Variants in ZNF469 observed in about 807,000 individuals in gnomAD.
The protein encoded by ZNF469 is zinc finger protein 469.
In ZNF469, 1 loss-of-function variant was observed where a neutral mutation model predicts 1.0. That is an observed-to-expected ratio of 1.00 (90% CI 0.35 to 4.73). The LOEUF (loss-of-function observed/expected upper bound fraction) is 4.73, where lower values mean the gene tolerates loss of function less well. Ranked by LOEUF, ZNF469 falls within the 30% of genes most tolerant of loss-of-function variation. The pLI is 0.16. For synonymous variants in ZNF469, 2,703 were observed against 2,363.4 expected (o/e 1.14, Z -4.17); for missense variants, 6,100 against 5,356.3 (o/e 1.14, Z -4.33).
At chr16:88,387,631 G>A (rs932766591) in intron 1 of ZNF469, among the ~76,000 whole-genome samples, 11 of 152,170 alleles carry the variant, frequency 7.2e-5, no homozygotes, top group African/African-American at 2.7e-4. Context: ...TCACACTGTT[G>A]CTGAAAGGGA....
chr16:88,158,765 A>T, the ZNF469 span, among the ~76,000 whole-genome samples: 3 of 152,304 alleles, frequency 2.0e-5, no homozygotes, highest in African/African-American at 7.2e-5. Context: ...CCTGGCGGGA[A>T]GCCAGGCCGA....
rs1181644535 is a variant in ZNF469, at chr16:88,435,400, C to T, written c.7930C>T (p.Arg2644Trp). Residue 2644 changes from arginine to tryptophan, a missense_variant, in exon 3 of 3, where the codon CGG becomes TGG. By Grantham distance (101) the Arg-to-Trp change is moderately radical. Coordinates refer to ENST00000565624, the MANE Select transcript of ZNF469 (RefSeq NM_001367624.2). ...GGGAAAGCTGAGAGGGAGAAGGCTC[C>T]GGGAGGAGAGCATTCTTCCAGTCTC... Reference protein sequence around the residue: ...KRGKLRGRRLREESILPVSAD... With the variant: ...KRGKLRGRRLWEESILPVSAD... The T allele has an allele frequency of 1.1e-5, 17 of 1,550,194 alleles. No individual in the cohort carries two copies. The highest frequency in any genetic ancestry group is 7.8e-5 in the Admixed American group (4 of 50,990).
intron 1 of ZNF469, among the ~76,000 whole-genome samples, chr16:88,416,659 A>T (rs1905309772): frequency 6.6e-6 from 1 of 152,232 alleles, no homozygotes; most frequent in African/African-American, 2.4e-5. Context: ...AGTAATGGAA[A>T]ATAACTAGGG....
the ZNF469 span, among the ~76,000 whole-genome samples, chr16:88,303,404 G>T: frequency 6.6e-6 from 1 of 152,164 alleles, no homozygotes; most frequent in African/African-American, 2.4e-5. Context: ...GGCCTTTCCA[G>T]CCGGGATCCC....
the ZNF469 span, among the ~76,000 whole-genome samples, chr16:88,152,899 G>A: frequency 6.6e-6 from 1 of 152,308 alleles, no homozygotes; most frequent in South Asian, 2.1e-4. The surrounding 1 kb of genome is among the most constrained non-coding windows in gnomAD (Gnocchi z 4.2). Context: ...TGGAGCCGGG[G>A]CAAGTTTCTG....
At chr16:88,279,354 T>G in the ZNF469 span, among the ~76,000 whole-genome samples, 2 of 151,502 alleles carry the variant, frequency 1.3e-5, no homozygotes, top group Non-Finnish European at 2.9e-5. Context: ...CGGTTAGTGC[T>G]ACGCCATGCT....
the ZNF469 span, among the ~76,000 whole-genome samples, chr16:88,366,641 TCATCACCACCAC>T: frequency 3.2e-4 from 15 of 47,506 alleles, no homozygotes; most frequent in Non-Finnish European, 1.1e-3. Flanking sequence ...ACCATCACCA[TCATCACCACCAC>T]CATCACCATC....
chr16:88,173,464 C>T, the ZNF469 span, among the ~76,000 whole-genome samples: 2 of 152,164 alleles, frequency 1.3e-5, no homozygotes, highest in Admixed American at 6.5e-5. Flanking sequence ...ATCTGTTCTA[C>T]AAGAAATGTT....
chr16:88,119,641 G>A, the ZNF469 span, among the ~76,000 whole-genome samples: 1,606 of 152,320 alleles, frequency 0.011, 28 homozygotes, highest in African/African-American at 0.035. Context: ...GGTGCCGGAA[G>A]CTTTTCCCTA....
the ZNF469 span, among the ~76,000 whole-genome samples, chr16:88,355,066 C>G: frequency 6.6e-6 from 1 of 152,152 alleles, no homozygotes; most frequent in African/African-American, 2.4e-5. Flanking sequence ...CTGTCTCCCA[C>G]AGACCTCGGG....
chr16:88,428,985 T>C lies in ZNF469; in HGVS notation c.1515T>C (p.Pro505=). 2 of 1,548,972 alleles carry C rather than the reference T, an allele frequency of 1.3e-6. No homozygotes were observed. Among genetic ancestry groups the C allele is most frequent in the Non-Finnish European group, 1.7e-6 (2 of 1,146,582 alleles). ...PHGMEMLSRL[P]FPAGGPEWQG... Reference sequence around the variant, plus strand: ...GAATGGAGATGCTGAGCCGGCTGCCTTTCCCCGCGGGGGGCCCCGAGTGGC... The same window carrying C: ...GAATGGAGATGCTGAGCCGGCTGCCCTTCCCCGCGGGGGGCCCCGAGTGGC... The change falls in exon 3 of 3, where the codon CCT becomes CCC. Residue 505 remains proline, a synonymous_variant. Transcript: ENST00000565624.
At chr16:88,221,147 A>C in the ZNF469 span, among the ~76,000 whole-genome samples, 3 of 152,138 alleles carry the variant, frequency 2.0e-5, no homozygotes, top group African/African-American at 7.2e-5. Context: ...CCAGGCCTGG[A>C]CCCGCTGGCA....
At chr16:88,192,811 A>ACGGTGATGG in the ZNF469 span, among the ~76,000 whole-genome samples, 245 of 49,348 alleles carry the variant, frequency 5.0e-3, no homozygotes, top group East Asian at 6.6e-3. Flanking sequence ...GATGGTAATG[A>ACGGTGATGG]TGGTGATGGT....
At chr16:88,157,172 G>A in the ZNF469 span, among the ~76,000 whole-genome samples, 5 of 151,496 alleles carry the variant, frequency 3.3e-5, no homozygotes, top group African/African-American at 1.2e-4. Flanking sequence ...CGCCACCGAG[G>A]GACATGCGCT....
the ZNF469 span, among the ~76,000 whole-genome samples, chr16:88,170,139 T>C: frequency 1.3e-5 from 2 of 152,200 alleles, no homozygotes; most frequent in African/African-American, 2.4e-5. This position sits in a 1 kb window ranked among gnomAD's most constrained non-coding sequence, Gnocchi z 4.2. Flanking sequence ...GTGTTTCTTT[T>C]CCACCTTTAT....
chr16:88,431,774 G>A lies in ZNF469; in HGVS notation c.4304G>A (p.Gly1435Asp). ...CCACAGCTGCCAAGGAGCCCACCTG[G>A]CACCGCTGAGACGGAGCCAGGCAGG... is the stretch of plus-strand genomic sequence containing the variant. ...LEPQLPRSPPGTAETEPGRAA... is the reference protein window; with the variant it reads ...LEPQLPRSPPDTAETEPGRAA... Residue 1435 changes from glycine to aspartate, a missense_variant, in exon 3 of 3, where the codon GGC (glycine) becomes GAC (aspartate). Transcript: ENST00000565624. 2 of 1,549,860 alleles carry A rather than the reference G, an allele frequency of 1.3e-6. No individual in the cohort carries two copies. The highest frequency in any genetic ancestry group is 2.7e-5 in the African/African-American group (2 of 73,196).
At chr16:88,221,408 A>G in the ZNF469 span, among the ~76,000 whole-genome samples, 1 of 152,132 alleles carries the variant, frequency 6.6e-6, no homozygotes, top group Non-Finnish European at 1.5e-5. Context: ...TGCTCCAACT[A>G]TGGCCTCGCT....
chr16:88,390,992 G>T (rs1390302343), intron 1 of ZNF469, among the ~76,000 whole-genome samples: 3 of 152,248 alleles, frequency 2.0e-5, no homozygotes, highest in Non-Finnish European at 4.4e-5. Flanking sequence ...ACAGGCCCGG[G>T]TGAATGGCCC....
At chr16:88,188,798 A>G in the ZNF469 span, among the ~76,000 whole-genome samples, 29 of 152,230 alleles carry the variant, frequency 1.9e-4, no homozygotes, top group African/African-American at 6.0e-4. Context: ...GAGAATCTAC[A>G]TGTCTGTGAG....
Sources: allele counts gnomAD v4.1 joint callset (sites outside exome capture counted in the v4.1 genomes callset), GRCh38; gene constraint gnomAD v4.1.1; non-coding constraint Gnocchi (gnomAD v3.1); transcripts MANE v1.5; gene names NCBI Gene and HGNC (gene_info 2026-07-23, HGNC 2026-07-21).